The following FANCL variants were observed in gnomAD, a reference collection of about 807,000 sequenced individuals.
FANCL encodes FA complementation group L.
In FANCL, 69 loss-of-function variants were observed where a neutral mutation model predicts 59.4. The ratio of observed to expected loss-of-function variants is 1.16; its 90% CI spans 0.96 to 1.42. The LOEUF is 1.42. Among genes scored for constraint, FANCL ranks in the 40% most tolerant of loss-of-function variants. The pLI is 0.00. For missense variants in FANCL, 519 were observed against 447.2 expected, an observed-to-expected ratio of 1.16 and a Z score of -1.45; for synonymous variants, 180 against 147.1, an observed-to-expected ratio of 1.22 and a Z score of -1.62.
intron 9 of FANCL, 164 bp from the exon 10 acceptor site, chr2:58,163,238 A>G (rs1685469024): frequency 1.3e-6 from 1 of 748,638 alleles, no homozygotes; most frequent in Admixed American, 2.6e-5. Context: ...AGACATTGTC[A>G]TTTAAAATAA....
At chr2:58,224,968 C>T (rs940717889) in intron 4 of FANCL, among the ~76,000 whole-genome samples, 31 of 151,838 alleles carry the variant, frequency 2.0e-4, no homozygotes, top group African/African-American at 7.5e-4. Context: ...CAGATTGAGG[C>T]ATCCAAATAC....
chr2:58,176,286 GT>G (rs1558756725), intron 7 of FANCL, among the ~76,000 whole-genome samples: 4 of 152,176 alleles, frequency 2.6e-5, no homozygotes, highest in Non-Finnish European at 5.9e-5. Flanking sequence ...CTACTTTAAA[GT>G]TCATATGGAA....
rs757211531 is a variant in FANCL at position 58,161,642 on chromosome 2, C to G, written c.904-4G>C. ...TTCCACAATCCATAGTAAAATCCTTCAAAAGAAAAATATTTATAAAAAGCG... is the reference window on the plus strand; with the variant it reads ...TTCCACAATCCATAGTAAAATCCTTGAAAAGAAAAATATTTATAAAAAGCG... On this transcript the variant is annotated splice_region_variant and splice_polypyrimidine_tract_variant and intron_variant, in intron 11 of 13. Coordinates refer to ENST00000233741, the MANE Select transcript of FANCL (RefSeq NM_018062.4). 4 of 1,583,728 alleles carry G rather than the reference C, an allele frequency of 2.5e-6. No homozygotes were observed. In the Admixed American group the frequency reaches 6.7e-5, roughly 27 times the overall value.
At chr2:58,195,660 C>T (rs1207129750) in intron 7 of FANCL, among the ~76,000 whole-genome samples, 1 of 151,200 alleles carries the variant, frequency 6.6e-6, no homozygotes, top group South Asian at 2.1e-4. Context: ...ATATAACTAA[C>T]AAAAAATTAG....
chr2:58,215,173 G>C (rs925001284), intron 5 of FANCL, among the ~76,000 whole-genome samples: 10 of 152,146 alleles, frequency 6.6e-5, no homozygotes, highest in Non-Finnish European at 1.2e-4. Context: ...AGAATGACTA[G>C]GTCCATGACA....
intron 6 of FANCL, among the ~76,000 whole-genome samples, chr2:58,202,306 C>T (rs1014956892): frequency 5.0e-5 from 7 of 141,256 alleles, no homozygotes; most frequent in Non-Finnish European, 1.1e-4. Flanking sequence ...CCAGTGATTA[C>T]TAGGTAAATG....
At chr2:58,172,645 A>G (rs1281944689) in intron 7 of FANCL, among the ~76,000 whole-genome samples, 1 of 152,226 alleles carries the variant, frequency 6.6e-6, no homozygotes, top group African/African-American at 2.4e-5. Context: ...GTACATCACC[A>G]TCATCAAAGA....
chr2:58,159,728 A>T lies in FANCL; in HGVS notation c.*37T>A. On this transcript the variant is annotated 3_prime_UTR_variant, in exon 14 of 14. Coordinates refer to ENST00000233741, the MANE Select transcript of FANCL (RefSeq NM_018062.4). ...CAAAATTCCTTTTGATAATTTTTTA[A>T]GTTTCCAGCTCTTCACCGAAATGTT... is the stretch of plus-strand genomic sequence containing the variant. The T allele has an allele frequency of 1.2e-6, 2 of 1,612,288 alleles. No individual in the cohort carries two copies. Among genetic ancestry groups the T allele is most frequent in the Non-Finnish European group, 8.5e-7 (1 of 1,179,436 alleles).
At chr2:58,219,403 C>G (rs1692251042) in intron 5 of FANCL, among the ~76,000 whole-genome samples, 1 of 151,292 alleles carries the variant, frequency 6.6e-6, no homozygotes. Flanking sequence ...AAAATCTGAG[C>G]AGAAAAATTC....
intron 7 of FANCL, among the ~76,000 whole-genome samples, chr2:58,171,911 C>T (rs1025602412): frequency 5.3e-5 from 8 of 152,328 alleles, no homozygotes; most frequent in South Asian, 2.1e-4. Flanking sequence ...CCCAATACTG[C>T]GCTTTTCCGA....
At chr2:58,189,089 C>T (rs1286706544) in intron 7 of FANCL, among the ~76,000 whole-genome samples, 1 of 151,850 alleles carries the variant, frequency 6.6e-6, no homozygotes, top group South Asian at 2.1e-4. Flanking sequence ...TGCCTGAGGC[C>T]CTGGTGGAAG....
chr2:58,216,224 A>G (rs970832156), intron 5 of FANCL, among the ~76,000 whole-genome samples: 1 of 152,124 alleles, frequency 6.6e-6, no homozygotes, highest in Non-Finnish European at 1.5e-5. Flanking sequence ...AGGTAGACTG[A>G]CCTCTATGAA....
At chr2:58,184,014 T>G (rs530118227) in intron 7 of FANCL, among the ~76,000 whole-genome samples, 1 of 152,128 alleles carries the variant, frequency 6.6e-6, no homozygotes, top group South Asian at 2.1e-4. Flanking sequence ...TAAGGTGACT[T>G]CCAGGTATAG....
intron 7 of FANCL, among the ~76,000 whole-genome samples, chr2:58,167,568 A>G (rs1686081914): frequency 6.6e-6 from 1 of 152,232 alleles, no homozygotes; most frequent in South Asian, 2.1e-4. Flanking sequence ...GGCATTGTCC[A>G]TTTCTCTTAT....
rs1684909842 is a variant in FANCL at position 58,160,170 on chromosome 2, C to CT, written c.1029dup (p.Gly344ArgfsTer5). ...AAACTCTGTCTACTAGTTAGTAGTC[C>CT]TCTCAGCCACTGCAAATTTTAAAAG... is the stretch of plus-strand genomic sequence containing the variant. On this transcript the variant is annotated frameshift_variant, in exon 13 of 14. Transcript: ENST00000233741. LOFTEE classifies it high-confidence loss of function. 1.2e-6 allele frequency: 2 copies of CT among 1,612,546 alleles called. No homozygotes were observed. Among genetic ancestry groups the CT allele is most frequent in the East Asian group, 4.5e-5 (2 of 44,756 alleles).
chr2:58,165,422 A>C (rs1172367791), intron 8 of FANCL, among the ~76,000 whole-genome samples: 1 of 152,124 alleles, frequency 6.6e-6, no homozygotes, highest in East Asian at 1.9e-4. Context: ...TCTTGTTCTA[A>C]GTAATGTAAA....
At chr2:58,216,696 C>T (rs1691754268) in intron 5 of FANCL, among the ~76,000 whole-genome samples, 1 of 151,840 alleles carries the variant, frequency 6.6e-6, no homozygotes, top group East Asian at 1.9e-4. Context: ...GACAATAAAC[C>T]ATACACAAAA....
chr2:58,233,397 G>C lies in FANCL; in HGVS notation c.97-1285C>G, dbSNP rs146502273. Among the ~76,000 whole-genome samples, 899 of 151,674 alleles carry C rather than the reference G, an allele frequency of 5.9e-3. 13 individuals are homozygous for C. The highest frequency in any genetic ancestry group is 0.021 in the African/African-American group (849 of 41,104). On this transcript the variant is annotated intron_variant, in intron 1 of 13. Transcript: ENST00000233741. ...GAAAATGTCCAAAATTAGCTTTTTA[G>C]TTAAAGTATCTAGAAATATTAATTG...
chr2:58,235,972 T>A (rs1414621585), intron 1 of FANCL, among the ~76,000 whole-genome samples: 1 of 149,856 alleles, frequency 6.7e-6, no homozygotes, highest in East Asian at 2.0e-4. Flanking sequence ...GAACAGACCA[T>A]GAGTGAGTTG....
Sources: gnomAD v4.1 joint callset for allele counts (sites outside exome capture counted in the v4.1 genomes callset) on GRCh38, gnomAD v4.1.1 for gene constraint, MANE v1.5 for transcripts, NCBI Gene and HGNC (gene_info 2026-07-23, HGNC 2026-07-21) for gene names.